PTPRM: variants seen among roughly 807,000 people sequenced by gnomAD.
PTPRM encodes the protein protein tyrosine phosphatase receptor type M.
A neutral mutation model predicts 186.7 loss-of-function variants in PTPRM; 47 were observed. That is an observed-to-expected ratio of 0.25 (90% confidence interval 0.20 to 0.32). The LOEUF (loss-of-function observed/expected upper bound fraction) is 0.32, where lower values mean the gene tolerates loss of function less well. PTPRM is among the 10% of genes least tolerant of loss of function. The pLI is 1.00. For missense variants in PTPRM, 1,494 were observed against 1,865.0 expected, an observed-to-expected ratio of 0.80 and a Z score of 3.66; for synonymous variants, 668 against 674.9, an observed-to-expected ratio of 0.99 and a Z score of 0.16.
intron 19 of PTPRM, among the ~76,000 whole-genome samples, chr18:8,267,522 A>G (rs558715325): frequency 1.3e-5 from 2 of 152,254 alleles, no homozygotes; most frequent in South Asian, 4.1e-4. Flanking sequence ...TCTTAACACA[A>G]AGAGTTTCAT....
At chr18:7,958,920 C>G (rs2053492654) in intron 7 of PTPRM, among the ~76,000 whole-genome samples, 1 of 152,150 alleles carries the variant, frequency 6.6e-6, no homozygotes, top group Non-Finnish European at 1.5e-5. Flanking sequence ...AATAATAGTG[C>G]TTTTGGGTGC....
chr18:7,743,085 C>G (rs769277286), intron 1 of PTPRM, among the ~76,000 whole-genome samples: 2 of 152,156 alleles, frequency 1.3e-5, no homozygotes, highest in Non-Finnish European at 2.9e-5. Flanking sequence ...TGGTCTTGGG[C>G]TGAATCCATT....
chr18:8,316,868 T>C (rs2095312274), intron 21 of PTPRM, among the ~76,000 whole-genome samples: 1 of 152,054 alleles, frequency 6.6e-6, no homozygotes, highest in African/African-American at 2.4e-5. Flanking sequence ...TTGAGCTATA[T>C]AGATACCTGG....
chr18:7,851,252 A>G (rs949228461), intron 2 of PTPRM, among the ~76,000 whole-genome samples: 1 of 152,204 alleles, frequency 6.6e-6, no homozygotes, highest in African/African-American at 2.4e-5. Context: ...TAATTGGAGT[A>G]TCTTCAGGAA....
chr18:7,643,111 G>T (rs1167558404), intron 1 of PTPRM, among the ~76,000 whole-genome samples: 1 of 151,962 alleles, frequency 6.6e-6, no homozygotes, highest in Non-Finnish European at 1.5e-5. Context: ...AAAGACATAA[G>T]ATTCTTTTGT....
At chr18:8,138,056 A>G (rs531736458) in intron 13 of PTPRM, among the ~76,000 whole-genome samples, 4 of 152,322 alleles carry the variant, frequency 2.6e-5, no homozygotes, top group South Asian at 4.1e-4. Context: ...AGCCACACAT[A>G]TGAACAGGAC....
intron 2 of PTPRM, among the ~76,000 whole-genome samples, chr18:7,875,900 A>G (rs2048217797): frequency 6.6e-6 from 1 of 152,170 alleles, no homozygotes; most frequent in Non-Finnish European, 1.5e-5. Flanking sequence ...AGCCTACAGC[A>G]CACCTAGGCT....
chr18:8,402,827 A>T (rs1224901660), intron 32 of PTPRM: 1 of 152,312 alleles, frequency 6.6e-6, no homozygotes, highest in East Asian at 1.9e-4. Context: ...GCAAGAAATA[A>T]TTTTTTCCAG....
chr18:8,225,548 A>G (rs1217004622), intron 14 of PTPRM, among the ~76,000 whole-genome samples: 1 of 152,178 alleles, frequency 6.6e-6, no homozygotes, highest in Non-Finnish European at 1.5e-5. Context: ...TAGAGACCAC[A>G]ATCTGACCAC....
chr18:8,069,694 C>G lies in PTPRM; in HGVS notation c.1141C>G (p.Arg381Gly), dbSNP rs753717359. ...TCTTCTTTTCTAAATAGATCCCATG[C>G]GAGGCCCAAGAAAACTAGAAGTAGT... ...RTRTKCADPM[R>G]GPRKLEVVEV... Residue 381 changes from arginine to glycine, a missense_variant, in exon 8 of 33, where the codon CGA becomes GGA. Physicochemically the swap from Arg to Gly is moderately radical, Grantham distance 125 (BLOSUM62 -2). Transcript: ENST00000580170. 29 of 1,610,508 alleles carry G rather than the reference C, an allele frequency of 1.8e-5. No individual in the cohort carries two copies. Among genetic ancestry groups the G allele is most frequent in the Non-Finnish European group, 2.4e-5 (28 of 1,177,194 alleles).
chr18:7,575,293 G>C (rs902694256), intron 1 of PTPRM, among the ~76,000 whole-genome samples: 1 of 152,218 alleles, frequency 6.6e-6, no homozygotes, highest in African/African-American at 2.4e-5. Flanking sequence ...ATCCGCAGCT[G>C]ATCACTAGGT....
At chr18:7,817,053 C>T (rs996505953) in intron 2 of PTPRM, among the ~76,000 whole-genome samples, 4 of 150,450 alleles carry the variant, frequency 2.7e-5, no homozygotes, top group Admixed American at 1.3e-4. Context: ...CGGCTCACTG[C>T]AACCTCTGCC....
chr18:8,212,139 A>C (rs895393691), intron 14 of PTPRM, among the ~76,000 whole-genome samples: 2 of 152,188 alleles, frequency 1.3e-5, no homozygotes, highest in African/African-American at 4.8e-5. Flanking sequence ...TCAAGTCAGG[A>C]CTGCAAAAGA....
chr18:7,721,653 AT>A (rs1444493216), intron 1 of PTPRM, among the ~76,000 whole-genome samples: 3 of 152,018 alleles, frequency 2.0e-5, no homozygotes, highest in African/African-American at 4.8e-5. Context: ...AAAATTCATT[AT>A]TTTTGCACGT....
intron 7 of PTPRM, among the ~76,000 whole-genome samples, chr18:8,040,134 T>C (rs2086599748): frequency 6.6e-6 from 1 of 152,170 alleles, no homozygotes; most frequent in Admixed American, 6.6e-5. Flanking sequence ...ATGCATCCCA[T>C]GTGAAGACTT....
intron 14 of PTPRM, among the ~76,000 whole-genome samples, chr18:8,227,042 A>T (rs1340407018): frequency 6.6e-6 from 1 of 152,220 alleles, no homozygotes; most frequent in Non-Finnish European, 1.5e-5. Context: ...CCTTTTTTAA[A>T]GTTAGCTTAT....
intron 14 of PTPRM, among the ~76,000 whole-genome samples, chr18:8,174,285 A>G (rs997843688): frequency 2.0e-5 from 3 of 152,192 alleles, no homozygotes; most frequent in African/African-American, 7.2e-5. Flanking sequence ...CATTTAAACT[A>G]TAAAAGAAAT....
chr18:8,029,349 A>C (rs2085797379), intron 7 of PTPRM, among the ~76,000 whole-genome samples: 3 of 112,058 alleles, frequency 2.7e-5, no homozygotes, highest in South Asian at 2.9e-4. Flanking sequence ...CCCCTCCCCC[A>C]CACCTGTCCT....
intron 32 of PTPRM, 30 bp downstream of exon 32, chr18:8,394,641 A>G (rs977038843): frequency 6.4e-7 from 1 of 1,571,348 alleles, no homozygotes; most frequent in African/African-American, 1.4e-5. Context: ...CTGTTCCATG[A>G]GACACCCCAT....
Sources: allele counts gnomAD v4.1 joint callset (sites outside exome capture counted in the v4.1 genomes callset), GRCh38; gene constraint gnomAD v4.1.1; transcripts MANE v1.5; gene names NCBI Gene and HGNC (gene_info 2026-07-23, HGNC 2026-07-21).